The following EHBP1 variants were observed in gnomAD, a reference collection of about 807,000 sequenced individuals.
The protein encoded by EHBP1 is EH domain binding protein 1.
A neutral mutation model predicts 144.0 loss-of-function variants in EHBP1; 55 were observed. The observed-to-expected ratio is 0.38, with a 90% CI of 0.31 to 0.48. The LOEUF (loss-of-function observed/expected upper bound fraction) is 0.48. Ranked by LOEUF, EHBP1 falls within the 20% of genes least tolerant of loss-of-function variation. The pLI is 0.98. For missense variants in EHBP1, 1,200 were observed against 1,364.2 expected, an observed-to-expected ratio of 0.88 and a Z score of 1.90; for synonymous variants, 469 against 472.7, an observed-to-expected ratio of 0.99 and a Z score of 0.10.
At chr2:62,716,999 C>A (rs2035750138) in intron 2 of EHBP1, among the ~76,000 whole-genome samples, 1 of 152,138 alleles carries the variant, frequency 6.6e-6, no homozygotes, top group African/African-American at 2.4e-5. Flanking sequence ...AACTTCTGGC[C>A]TCAAGCGACC....
chr2:62,925,051 C>T (rs1350511874), intron 10 of EHBP1, among the ~76,000 whole-genome samples: 3 of 152,090 alleles, frequency 2.0e-5, no homozygotes, highest in Non-Finnish European at 4.4e-5. Flanking sequence ...AAGAATGGTT[C>T]AGTATACACA....
rs1356326030 is a variant in EHBP1, at chr2:62,958,882, T to G, written c.2460+3222T>G. Among the ~76,000 whole-genome samples the G allele has an allele frequency of 1.3e-4, 20 of 152,214 alleles. 1 individual carries two copies. The highest frequency in any genetic ancestry group is 1.3e-3 in the Admixed American group (20 of 15,286). ...GTTCATAGATTAGAAGACTCAATTTTTTAAACATTTTATTGTGGTAAGAAC... is the reference window on the plus strand; with the variant it reads ...GTTCATAGATTAGAAGACTCAATTTGTTAAACATTTTATTGTGGTAAGAAC... On this transcript the variant is annotated intron_variant, in intron 14 of 22. Transcript: ENST00000431489.
chr2:62,881,080 T>C (rs1372475940), intron 10 of EHBP1, among the ~76,000 whole-genome samples: 1 of 152,078 alleles, frequency 6.6e-6, no homozygotes, highest in Non-Finnish European at 1.5e-5. Context: ...AACAAAATCA[T>C]GTTCTTTGCA....
chr2:62,850,336 G>C (rs986494980), intron 7 of EHBP1, among the ~76,000 whole-genome samples: 1 of 151,920 alleles, frequency 6.6e-6, no homozygotes, highest in Non-Finnish European at 1.5e-5. Context: ...TTTCTTAAAA[G>C]GAAAAAGCCA....
chr2:63,026,002 A>G (rs1390570940), intron 19 of EHBP1, among the ~76,000 whole-genome samples: 2 of 152,196 alleles, frequency 1.3e-5, no homozygotes, highest in East Asian at 1.9e-4. Flanking sequence ...GTTTGGGTGC[A>G]TTGAGGGGAT....
At chr2:62,944,681 G>C (rs749755320) in intron 12 of EHBP1, among the ~76,000 whole-genome samples, 2 of 152,146 alleles carry the variant, frequency 1.3e-5, no homozygotes, top group Non-Finnish European at 2.9e-5. Context: ...ATGGGGCAAG[G>C]GGATATCGAT....
At chr2:62,888,831 A>G (rs552328053) in intron 10 of EHBP1, among the ~76,000 whole-genome samples, 5 of 152,246 alleles carry the variant, frequency 3.3e-5, no homozygotes, top group Admixed American at 6.5e-5. Flanking sequence ...ATTCACACAA[A>G]CTATGACAGA....
At chr2:62,957,786 C>T (rs2057785619) in intron 14 of EHBP1, among the ~76,000 whole-genome samples, 1 of 151,540 alleles carries the variant, frequency 6.6e-6, no homozygotes, top group Non-Finnish European at 1.5e-5. Context: ...GCTGGGATTA[C>T]AGGCGCCCAC....
At chr2:62,752,586 G>A (rs1252681869) in intron 3 of EHBP1, among the ~76,000 whole-genome samples, 1 of 152,102 alleles carries the variant, frequency 6.6e-6, no homozygotes, top group Non-Finnish European at 1.5e-5. Flanking sequence ...GGGTGTTGAA[G>A]TCTCCCATTA....
At chr2:62,841,178 A>C (rs2047812391) in intron 7 of EHBP1, among the ~76,000 whole-genome samples, 1 of 152,234 alleles carries the variant, frequency 6.6e-6, no homozygotes, top group Admixed American at 6.5e-5. Flanking sequence ...GGGTGAGTTC[A>C]TGTCCTTTGT....
chr2:62,677,469 C>T (rs2033343064), intron 1 of EHBP1, among the ~76,000 whole-genome samples: 1 of 152,134 alleles, frequency 6.6e-6, no homozygotes, highest in Non-Finnish European at 1.5e-5. Context: ...TCCACCGCCT[C>T]AAGCATTTAT....
intron 19 of EHBP1, among the ~76,000 whole-genome samples, chr2:63,014,946 C>T (rs1243890222): frequency 6.6e-6 from 1 of 152,154 alleles, no homozygotes; most frequent in East Asian, 1.9e-4. Flanking sequence ...CCATTGCACT[C>T]CAACCGGGGC....
intron 4 of EHBP1, among the ~76,000 whole-genome samples, chr2:62,769,443 G>C (rs779770807): frequency 3.9e-5 from 6 of 152,046 alleles, no homozygotes; most frequent in Non-Finnish European, 8.8e-5. Context: ...TAGGAATACA[G>C]CTAACCAGGG....
At chr2:62,966,241 G>T (rs565968960) in intron 14 of EHBP1, among the ~76,000 whole-genome samples, 2 of 152,214 alleles carry the variant, frequency 1.3e-5, no homozygotes, top group East Asian at 3.9e-4. Flanking sequence ...CTCTTAGAGG[G>T]GGGAGTTTTA....
intron 2 of EHBP1, among the ~76,000 whole-genome samples, chr2:62,744,091 A>T (rs927357539): frequency 6.6e-6 from 1 of 152,146 alleles, no homozygotes; most frequent in South Asian, 2.1e-4. Context: ...AAATTTTCCA[A>T]TGGAGCCCTT....
chr2:63,011,685 G>A (rs2060276480), intron 19 of EHBP1, among the ~76,000 whole-genome samples: 1 of 152,004 alleles, frequency 6.6e-6, no homozygotes, highest in Non-Finnish European at 1.5e-5. Flanking sequence ...TCCCTATTTT[G>A]CATATGTCTA....
At chr2:62,752,889 G>C (rs563153803) in intron 3 of EHBP1, among the ~76,000 whole-genome samples, 13 of 152,054 alleles carry the variant, frequency 8.5e-5, no homozygotes, top group African/African-American at 3.1e-4. Context: ...TTGAGCCTAT[G>C]TGTGTCTCTG....
intron 19 of EHBP1, among the ~76,000 whole-genome samples, chr2:63,021,507 T>TA (rs2060747217): frequency 6.6e-6 from 1 of 152,214 alleles, no homozygotes; most frequent in Admixed American, 6.5e-5. Context: ...AAACTGAACT[T>TA]AGACATTGTA....
chr2:62,811,182 A>G (rs559517370), intron 5 of EHBP1, among the ~76,000 whole-genome samples: 4 of 152,308 alleles, frequency 2.6e-5, no homozygotes, highest in Non-Finnish European at 5.9e-5. Context: ...CATTTGTGCT[A>G]CCAAACTCTC....
Sources: gnomAD v4.1 joint callset for allele counts (sites outside exome capture counted in the v4.1 genomes callset) on GRCh38, gnomAD v4.1.1 for gene constraint, MANE v1.5 for transcripts, NCBI Gene and HGNC (gene_info 2026-07-23, HGNC 2026-07-21) for gene names.